Variants in SDK1 observed in about 807,000 individuals in gnomAD.
SDK1 encodes the protein sidekick cell adhesion molecule 1.
Under a neutral mutation model 245.5 loss-of-function variants are expected in SDK1, and 157 were observed. The ratio of observed to expected loss-of-function variants is 0.64; its 90% confidence interval spans 0.56 to 0.73. The LOEUF is 0.73. SDK1 is among the 30% of genes least tolerant of loss of function. The probability of loss-of-function intolerance (pLI) is 0.00; values close to 1 mark genes in which losing one functional copy is unlikely to be tolerated. For missense variants in SDK1, 3,583 were observed against 3,002.3 expected (o/e 1.19, Z -4.52); for synonymous variants, 1,647 against 1,278.5 (o/e 1.29, Z -6.15).
chr7:4,268,578 G>A lies in SDK1; in HGVS notation c.*3194G>A, dbSNP rs907537475. ...GGTGGCTCACTCTGTACAGGTCTTC[G>A]GAGGCCGTGTTTGTATCTAACTGTG... is the stretch of plus-strand genomic sequence containing the variant. On this transcript the variant is annotated 3_prime_UTR_variant, in exon 45 of 45. Coordinates refer to ENST00000404826, the MANE Select transcript of SDK1 (RefSeq NM_152744.4). 3.0e-6 allele frequency: 4 copies of A among 1,350,046 alleles called. No individual in the cohort carries two copies. Among genetic ancestry groups the A allele is most frequent in the African/African-American group, 1.5e-5 (1 of 67,706 alleles). The allele number at this position is 1,350,046 out of a possible 1,614,324, so 83.6% of individuals were successfully genotyped here. A position where few individuals can be genotyped will look rare whatever the true frequency, so the allele number is the denominator to read the frequency against.
intron 29 of SDK1, among the ~76,000 whole-genome samples, chr7:4,148,311 C>T (rs144417216): frequency 6.6e-6 from 1 of 152,216 alleles, no homozygotes; most frequent in Non-Finnish European, 1.5e-5. Flanking sequence ...CAATAATCTT[C>T]ATGATAAACA....
chr7:3,672,796 A>ATATATATGT, intron 4 of SDK1, among the ~76,000 whole-genome samples: 1 of 53,416 alleles, frequency 1.9e-5, no homozygotes. Context: ...TATATATATA[A>ATATATATGT]AAAATACAGA....
At chr7:4,115,834 G>C (rs960151304) in intron 25 of SDK1, among the ~76,000 whole-genome samples, 1 of 152,212 alleles carries the variant, frequency 6.6e-6, no homozygotes, top group Non-Finnish European at 1.5e-5. Flanking sequence ...TAACTTGCTA[G>C]ATGCTGGAAA....
chr7:4,082,229 T>A (rs1781104108), intron 22 of SDK1, among the ~76,000 whole-genome samples: 1 of 152,106 alleles, frequency 6.6e-6, no homozygotes, highest in South Asian at 2.1e-4. Context: ...TGAGCTTGCC[T>A]GTATGTCTTA....
chr7:3,637,106 T>C (rs1156587425), intron 2 of SDK1, among the ~76,000 whole-genome samples: 1 of 152,042 alleles, frequency 6.6e-6, no homozygotes, highest in Non-Finnish European at 1.5e-5. Flanking sequence ...TGTGTGTGTG[T>C]GTGTGTTTTG....
intron 35 of SDK1, among the ~76,000 whole-genome samples, chr7:4,195,756 C>A (rs1003885636): frequency 6.6e-6 from 1 of 152,110 alleles, no homozygotes; most frequent in African/African-American, 2.4e-5. Flanking sequence ...GGACCAGATC[C>A]GCAGAGGGCC....
chr7:4,237,609 C>A lies in SDK1; in HGVS notation c.5993-38C>A, dbSNP rs770743143. 1.9e-6 allele frequency: 3 copies of A among 1,613,286 alleles called. No homozygotes were observed. In the South Asian group the frequency reaches 3.3e-5, roughly 18 times the overall value. On this transcript the variant is annotated intron_variant, in intron 41 of 44. Transcript: ENST00000404826. ...CGGGAGGTGACTGCAGCTGGAGCGT[C>A]TGCCCCATGTCATTGTGTGTCCGTG...
At chr7:4,235,868 GC>G (rs1164935788) in intron 41 of SDK1, among the ~76,000 whole-genome samples, 1 of 152,244 alleles carries the variant, frequency 6.6e-6, no homozygotes, top group Non-Finnish European at 1.5e-5. Context: ...AGGGTGTCCT[GC>G]CCCGTATGAG....
chr7:4,156,393 T>A (rs1483717379), intron 30 of SDK1, among the ~76,000 whole-genome samples: 1 of 152,206 alleles, frequency 6.6e-6, no homozygotes, highest in East Asian at 1.9e-4. Flanking sequence ...ATTTTTATGG[T>A]CGGACTTCAG....
intron 4 of SDK1, among the ~76,000 whole-genome samples, chr7:3,781,284 A>C (rs1780727179): frequency 6.6e-6 from 1 of 152,082 alleles, no homozygotes; most frequent in Non-Finnish European, 1.5e-5. Flanking sequence ...CAATCTCATC[A>C]AACAGGGAAG....
intron 44 of SDK1, among the ~76,000 whole-genome samples, chr7:4,262,322 C>T (rs1204550305): frequency 2.0e-5 from 3 of 151,932 alleles, no homozygotes; most frequent in Non-Finnish European, 4.4e-5. Flanking sequence ...ACCCAAAGTC[C>T]ACTTTCTCCT....
intron 1 of SDK1, among the ~76,000 whole-genome samples, chr7:3,449,786 G>T (rs1177915942): frequency 2.0e-5 from 3 of 152,316 alleles, no homozygotes; most frequent in Non-Finnish European, 4.4e-5. Flanking sequence ...CTGAACATCA[G>T]CTGTGCTTTC....
At chr7:3,653,691 G>T (rs759891755) in intron 4 of SDK1, among the ~76,000 whole-genome samples, 1 of 152,172 alleles carries the variant, frequency 6.6e-6, no homozygotes, top group African/African-American at 2.4e-5. Context: ...TTTGGAAGGT[G>T]GAAGAGGAGA....
At chr7:3,899,287 A>C (rs955004232) in intron 5 of SDK1, among the ~76,000 whole-genome samples, 2 of 152,098 alleles carry the variant, frequency 1.3e-5, no homozygotes, top group Middle Eastern at 3.2e-3. Context: ...TTTTTCCATG[A>C]CACATCTGTC....
intron 1 of SDK1, among the ~76,000 whole-genome samples, chr7:3,379,780 C>G (rs192952983): frequency 7.0e-6 from 1 of 142,454 alleles, no homozygotes; most frequent in Admixed American, 7.1e-5. Flanking sequence ...ATCCCAAATC[C>G]GAAATTTGCA....
intron 19 of SDK1, among the ~76,000 whole-genome samples, chr7:4,066,647 C>T (rs1779920336): frequency 6.6e-6 from 1 of 152,244 alleles, no homozygotes; most frequent in Non-Finnish European, 1.5e-5. Flanking sequence ...CTCCCCATCA[C>T]CACACAGTGT....
intron 1 of SDK1, among the ~76,000 whole-genome samples, chr7:3,539,072 A>T (rs1029006548): frequency 6.6e-6 from 1 of 151,910 alleles, no homozygotes. Context: ...TGCGATCATT[A>T]TGCAGACAAG....
chr7:3,872,370 T>C (rs1235804405), intron 5 of SDK1, among the ~76,000 whole-genome samples: 2 of 152,114 alleles, frequency 1.3e-5, no homozygotes, highest in East Asian at 3.8e-4. Context: ...AGAGTTGTTA[T>C]GTTCGGAAGA....
chr7:3,850,826 G>A (rs961505571), intron 5 of SDK1, among the ~76,000 whole-genome samples: 1 of 150,738 alleles, frequency 6.6e-6, no homozygotes, highest in Non-Finnish European at 1.5e-5. Flanking sequence ...CTTGGACACA[G>A]GAAGGGGAAC....
Sources: gnomAD v4.1 joint callset for allele counts (sites outside exome capture counted in the v4.1 genomes callset) on GRCh38, gnomAD v4.1.1 for gene constraint, MANE v1.5 for transcripts, NCBI Gene and HGNC (gene_info 2026-07-23, HGNC 2026-07-21) for gene names.